SUSD4: variants seen among roughly 807,000 people sequenced by gnomAD.
SUSD4 encodes sushi domain containing 4.
In SUSD4, 41 loss-of-function variants were observed where a neutral mutation model predicts 50.5. That is an observed-to-expected ratio of 0.81 (90% CI 0.63 to 1.05). SUSD4 has a LOEUF of 1.05. SUSD4 is among the 50% of genes least tolerant of loss of function. The pLI is 0.00. For missense variants in SUSD4, 580 were observed against 634.7 expected (o/e 0.91, Z 0.93); for synonymous variants, 257 against 257.3 (o/e 1.00, Z 0.01).
At chr1:223,328,207 AT>A (rs1666984295) in intron 2 of SUSD4, among the ~76,000 whole-genome samples, 1 of 152,186 alleles carries the variant, frequency 6.6e-6, no homozygotes, top group Non-Finnish European at 1.5e-5. Flanking sequence ...AACATCTTAC[AT>A]TTGTTGGACT....
At chr1:223,289,045 T>C in intron 3 of SUSD4, 1 of 950,768 alleles carries the variant, frequency 1.1e-6, no homozygotes, top group Non-Finnish European at 1.3e-6. Context: ...TATCCCCAAG[T>C]AGACATAACT....
intron 3 of SUSD4, among the ~76,000 whole-genome samples, chr1:223,269,771 C>T (rs977236058): frequency 2.6e-5 from 4 of 152,100 alleles, no homozygotes; most frequent in South Asian, 2.1e-4. Context: ...AATTTCTCAA[C>T]GCTTTAAAAG....
chr1:223,227,249 T>C lies in SUSD4; in HGVS notation c.1061+345A>G, dbSNP rs191519537. ...CCCTATAGACTGAGCTGTGTGGTGC[T>C]TCACTCCAGGGCCACATGCAGGGGG... On this transcript the variant is annotated intron_variant, in intron 7 of 8. Transcript: ENST00000366878. The surrounding 1 kb of genome is among the most constrained non-coding windows in gnomAD (Gnocchi z 4.5). Among the ~76,000 whole-genome samples the C allele has an allele frequency of 5.6e-3, 851 of 152,250 alleles. 8 individuals carry two copies. Among genetic ancestry groups the C allele is most frequent in the African/African-American group, 0.019 (808 of 41,530 alleles).
At chr1:223,223,742 A>G in intron 7 of SUSD4, 111 bp from the exon 8 acceptor site, 1 of 1,300,742 alleles carries the variant, frequency 7.7e-7, no homozygotes, top group Non-Finnish European at 1.0e-6. Flanking sequence ...TGGGCAGCAG[A>G]GTCCCGTATG....
intron 2 of SUSD4, among the ~76,000 whole-genome samples, chr1:223,308,397 A>G (rs1665675292): frequency 6.6e-6 from 1 of 151,996 alleles, no homozygotes; most frequent in Non-Finnish European, 1.5e-5. Context: ...TTCCACCATG[A>G]TTGTAAGGTC....
chr1:223,317,850 T>TTTTC (rs1370880652), intron 2 of SUSD4, among the ~76,000 whole-genome samples: 1 of 104,386 alleles, frequency 9.6e-6, no homozygotes, highest in Non-Finnish European at 2.1e-5. Context: ...TTTTTTTTTT[T>TTTTC]CTTTTTTTTT....
rs1392367528 is a variant in SUSD4, at chr1:223,264,687, C to T, written c.667G>A (p.Glu223Lys). ...GFKLDGSAYLECLQNLIWSSS... is the reference protein window; with the variant it reads ...GFKLDGSAYLKCLQNLIWSSS... ...GACCAGATAAGGTTTTGTAAGCACT[C>T]AAGATACGCAGACCCATCAAGTTTA... The change falls in exon 5 of 9, where the codon GAG becomes AAG. Residue 223 changes from glutamate (E) to lysine (K), a missense_variant. Transcript: ENST00000366878. 6.2e-7 allele frequency: 1 copy of T among 1,614,054 alleles called. No individual in the cohort carries two copies. Among genetic ancestry groups the T allele is most frequent in the Admixed American group, 1.7e-5 (1 of 60,006 alleles).
intron 5 of SUSD4, among the ~76,000 whole-genome samples, chr1:223,260,692 C>A (rs1662050621): frequency 6.6e-6 from 1 of 152,178 alleles, no homozygotes; most frequent in Admixed American, 6.5e-5. Context: ...ATTTTGGGTG[C>A]TTTATCTGAC....
At chr1:223,270,917 T>C (rs963821974) in intron 3 of SUSD4, among the ~76,000 whole-genome samples, 1 of 152,190 alleles carries the variant, frequency 6.6e-6, no homozygotes, top group African/African-American at 2.4e-5. Context: ...GCTAGCATAG[T>C]TGAGTTCCCC....
chr1:223,264,989 A>G (rs560554172), intron 4 of SUSD4, among the ~76,000 whole-genome samples, 171 bp from the exon 5 acceptor site: 20 of 152,354 alleles, frequency 1.3e-4, no homozygotes, highest in African/African-American at 4.8e-4. Context: ...TCCTTATTCT[A>G]GTTATCATGT....
At chr1:223,255,186 G>A (rs948459354) in intron 5 of SUSD4, among the ~76,000 whole-genome samples, 1 of 152,174 alleles carries the variant, frequency 6.6e-6, no homozygotes, top group East Asian at 1.9e-4. Flanking sequence ...GAGGGAAAGG[G>A]CATGAGATTT....
intron 3 of SUSD4, among the ~76,000 whole-genome samples, chr1:223,279,197 CA>C (rs988019239): frequency 3.3e-5 from 5 of 152,322 alleles, no homozygotes; most frequent in African/African-American, 1.2e-4. Context: ...AGCTCCTTGC[CA>C]CCAATGGAAC....
At chr1:223,234,995 G>A (rs1217734197) in intron 5 of SUSD4, 3 of 1,608,050 alleles carry the variant, frequency 1.9e-6, no homozygotes, top group Middle Eastern at 3.3e-4. Flanking sequence ...ACAGGTAGGT[G>A]CTGGGGTGGG....
At chr1:223,315,862 G>A (rs1401068879) in intron 2 of SUSD4, among the ~76,000 whole-genome samples, 1 of 152,232 alleles carries the variant, frequency 6.6e-6, no homozygotes, top group Non-Finnish European at 1.5e-5. Flanking sequence ...TTGGGAGGAA[G>A]AGACTGCTGA....
At chr1:223,262,465 T>A (rs566829905) in intron 5 of SUSD4, among the ~76,000 whole-genome samples, 2 of 152,220 alleles carry the variant, frequency 1.3e-5, no homozygotes, top group African/African-American at 4.8e-5. Context: ...TTCGTCTATG[T>A]TGAATACCCT....
Position 223,221,908 on chromosome 1 carries a change from C to T in SUSD4, c.*284G>A, listed in dbSNP as rs1462052279. 3 of 371,100 alleles carry T rather than the reference C, an allele frequency of 8.1e-6. No individual in the cohort carries two copies. Among genetic ancestry groups the T allele is most frequent in the South Asian group, 1.7e-4 (2 of 11,800 alleles). The allele number at this position is 371,100 out of a possible 1,614,324, so 23.0% of individuals were successfully genotyped here. ...GTGCGTGGAATTGTCCCATGTTCCA[C>T]AGCACGATACACATTTAACACCCCT... On this transcript the variant is annotated 3_prime_UTR_variant, in exon 9 of 9. Transcript: ENST00000366878.
chr1:223,276,472 T>C (rs541129141), intron 3 of SUSD4, among the ~76,000 whole-genome samples: 1 of 152,340 alleles, frequency 6.6e-6, no homozygotes, highest in South Asian at 2.1e-4. Context: ...TGAGAACCCT[T>C]GTCTGTGGTG....
At position 223,363,334 on chromosome 1, in the gene SUSD4, G is replaced by T. The variant is rs1669110042; in HGVS notation, c.92C>A (p.Ala31Asp). Residue 31 changes from alanine to aspartate, a missense_variant, in exon 2 of 9, where the codon GCC (alanine) becomes GAC (aspartate). Ala to Asp is a moderately radical substitution (Grantham distance 126). Transcript: ENST00000366878. ...CGCCAGCTGAAACCACAGGATCACG[G>T]CCAAGAGTCTCTGGGGGGACTGAGG... ...QQPQSPQRLLAVILWFQLALC... is the reference protein window; with the variant it reads ...QQPQSPQRLLDVILWFQLALC... The T allele has an allele frequency of 6.2e-7, 1 of 1,610,204 alleles. No homozygotes were observed. Among genetic ancestry groups the T allele is most frequent in the African/African-American group, 1.3e-5 (1 of 74,874 alleles).
At chr1:223,351,829 A>G (rs1403589932) in intron 2 of SUSD4, among the ~76,000 whole-genome samples, 3 of 152,176 alleles carry the variant, frequency 2.0e-5, no homozygotes, top group Non-Finnish European at 4.4e-5. Flanking sequence ...CTGAAAGAAT[A>G]GTTTCAATGT....
Sources: allele counts gnomAD v4.1 joint callset (sites outside exome capture counted in the v4.1 genomes callset), GRCh38; gene constraint gnomAD v4.1.1; non-coding constraint Gnocchi (gnomAD v3.1); transcripts MANE v1.5; gene names NCBI Gene and HGNC (gene_info 2026-07-23, HGNC 2026-07-21).